The following DUSP29 variants were observed in gnomAD, a reference collection of about 807,000 sequenced individuals.
DUSP29 encodes the protein dual specificity phosphatase 29.
A neutral mutation model predicts 13.5 loss-of-function variants in DUSP29; 12 were observed. That is an observed-to-expected ratio of 0.89 (90% confidence interval 0.57 to 1.44). The LOEUF (loss-of-function observed/expected upper bound fraction) is 1.44. Among genes scored for constraint, DUSP29 ranks in the 40% most tolerant of loss-of-function variants. The pLI is 0.00. For missense variants in DUSP29, 308 were observed against 301.1 expected (o/e 1.02, Z -0.17); for synonymous variants, 134 against 128.7 (o/e 1.04, Z -0.28).
chr10:75,060,454 A>G (rs1016875054), intron 1 of DUSP29, among the ~76,000 whole-genome samples: 1 of 145,358 alleles, frequency 6.9e-6, no homozygotes, highest in Admixed American at 7.1e-5. Flanking sequence ...CCTGGGCAAC[A>G]CAGTGAGACC....
At chr10:75,059,691 C>T (rs935056888) in intron 1 of DUSP29, among the ~76,000 whole-genome samples, 7 of 151,720 alleles carry the variant, frequency 4.6e-5, no homozygotes, top group African/African-American at 1.7e-4. Context: ...AGGGGCAGGC[C>T]GGGGATGCAG....
chr10:75,060,900 A>AG (rs1353362562), intron 1 of DUSP29, among the ~76,000 whole-genome samples: 7 of 152,228 alleles, frequency 4.6e-5, no homozygotes, highest in Non-Finnish European at 7.3e-5. Flanking sequence ...AAACATACTG[A>AG]AATATTTGCT....
At chr10:75,058,272 G>A (rs766978450) in intron 2 of DUSP29, 43 bp downstream of exon 2, 2 of 1,586,646 alleles carry the variant, frequency 1.3e-6, no homozygotes, top group East Asian at 2.2e-5. Context: ...CCTGGGGAGG[G>A]GCTGCTGCCT....
intron 2 of DUSP29, among the ~76,000 whole-genome samples, chr10:75,048,522 C>T (rs1055431479): frequency 3.9e-5 from 6 of 152,042 alleles, no homozygotes; most frequent in Admixed American, 1.3e-4. Flanking sequence ...GCCTCAGCCT[C>T]CCGAGTAGCT....
At chr10:75,046,737 T>C (rs1311322558) in intron 2 of DUSP29, among the ~76,000 whole-genome samples, 1 of 152,230 alleles carries the variant, frequency 6.6e-6, no homozygotes, top group African/African-American at 2.4e-5. Context: ...AAGGTCTGCT[T>C]TTCATTTTTC....
chr10:75,068,899 A>T (rs1336689060), intron 1 of DUSP29, among the ~76,000 whole-genome samples: 1 of 152,196 alleles, frequency 6.6e-6, no homozygotes, highest in Admixed American at 6.5e-5. Flanking sequence ...TGGACGTAAA[A>T]ACTCAGGAAT....
At chr10:75,060,267 C>A (rs1183380960) in intron 1 of DUSP29, among the ~76,000 whole-genome samples, 2 of 152,002 alleles carry the variant, frequency 1.3e-5, no homozygotes, top group Non-Finnish European at 2.9e-5. Context: ...CCCAGGAGTT[C>A]AAGACCAGCC....
rs181760608 is a variant in DUSP29 at position 75,067,569 on chromosome 10, T to C, written c.-35+6000A>G. Among the ~76,000 whole-genome samples, 109 of 152,272 alleles carry C rather than the reference T, an allele frequency of 7.2e-4. 1 individual carries two copies. The East Asian group carries it at 0.015, about 21-fold the overall frequency. On this transcript the variant is annotated intron_variant, in intron 1 of 3. Transcript: ENST00000338487. ...TTGACTTCCCCTCAGAAGTTAGGCC[T>C]GGCCCTGACTCCAAAGCTTTACCGT...
At chr10:75,048,878 A>T (rs1846762453) in intron 2 of DUSP29, among the ~76,000 whole-genome samples, 1 of 152,144 alleles carries the variant, frequency 6.6e-6, no homozygotes, top group South Asian at 2.1e-4. Context: ...GACAGCTGAA[A>T]CTGACGCATG....
intron 1 of DUSP29, among the ~76,000 whole-genome samples, chr10:75,066,316 G>T (rs1847199706): frequency 6.6e-6 from 1 of 151,934 alleles, no homozygotes; most frequent in South Asian, 2.1e-4. Flanking sequence ...AGCTGTGGCA[G>T]CCCTCTCATT....
chr10:75,047,955 G>A (rs1846740305), intron 2 of DUSP29, among the ~76,000 whole-genome samples: 1 of 152,056 alleles, frequency 6.6e-6, no homozygotes, highest in Non-Finnish European at 1.5e-5. Flanking sequence ...AACCTTTGAC[G>A]TGATATATTG....
intron 3 of DUSP29, among the ~76,000 whole-genome samples, chr10:75,042,508 A>G (rs1442701894): frequency 1.3e-5 from 2 of 152,284 alleles, no homozygotes; most frequent in Non-Finnish European, 2.9e-5. Flanking sequence ...TACACAGCAC[A>G]AAAGATGGTT....
intron 2 of DUSP29, among the ~76,000 whole-genome samples, chr10:75,045,282 A>G (rs1846682369): frequency 6.6e-6 from 1 of 152,216 alleles, no homozygotes; most frequent in Non-Finnish European, 1.5e-5. Context: ...AGGCACAAGA[A>G]TCGCTTGAAC....
At chr10:75,065,874 TC>T (rs1479415135) in intron 1 of DUSP29, among the ~76,000 whole-genome samples, 6 of 151,254 alleles carry the variant, frequency 4.0e-5, no homozygotes, top group African/African-American at 1.2e-4. Flanking sequence ...ATTATTATTA[TC>T]ATTTATTTTA....
chr10:75,041,730 A>G (rs1356804038), intron 3 of DUSP29, among the ~76,000 whole-genome samples: 3 of 152,102 alleles, frequency 2.0e-5, no homozygotes, highest in African/African-American at 7.2e-5. Context: ...ACCCCCATCC[A>G]TTCATTCTAT....
chr10:75,060,018 G>C (rs1847052628), intron 1 of DUSP29, among the ~76,000 whole-genome samples: 1 of 151,968 alleles, frequency 6.6e-6, no homozygotes, highest in Non-Finnish European at 1.5e-5. Flanking sequence ...AAATTAGCCG[G>C]GTGTAGTGGC....
chr10:75,058,597 C>T, intron 1 of DUSP29, 49 bp from the exon 2 acceptor site: 2 of 1,477,820 alleles, frequency 1.4e-6, no homozygotes, highest in Admixed American at 3.5e-5. Context: ...GACACTGAGG[C>T]AGGGAATAGG....
Position 75,069,647 on chromosome 10 carries a change from C to T in DUSP29, c.-35+3922G>A, listed in dbSNP as rs565712738. On this transcript the variant is annotated intron_variant, in intron 1 of 3. Transcript: ENST00000338487. Reference sequence around the variant, plus strand: ...CTAAGGCTGCCACCTCTTAAATCTGCCACCCACAAAAGCTCGCAGAGAAAT... The same window carrying T: ...CTAAGGCTGCCACCTCTTAAATCTGTCACCCACAAAAGCTCGCAGAGAAAT... 3.9e-4 allele frequency among the ~76,000 whole-genome samples: 59 copies of T among 152,284 alleles called. 2 individuals carry two copies. The East Asian group carries it at 7.4e-3, about 19-fold the overall frequency.
At chr10:75,049,710 G>A (rs947650547) in intron 2 of DUSP29, among the ~76,000 whole-genome samples, 2 of 152,242 alleles carry the variant, frequency 1.3e-5, no homozygotes, top group African/African-American at 2.4e-5. Context: ...GTGCCTTAAG[G>A]CGGAATTAGT....
Sources: gnomAD v4.1 joint callset for allele counts (sites outside exome capture counted in the v4.1 genomes callset) on GRCh38, gnomAD v4.1.1 for gene constraint, MANE v1.5 for transcripts, NCBI Gene and HGNC (gene_info 2026-07-23, HGNC 2026-07-21) for gene names.